The following ITGA2 variants were observed in gnomAD, a reference collection of about 807,000 sequenced individuals.
ITGA2 encodes integrin alpha-2.
In ITGA2, 101 loss-of-function variants were observed where a neutral mutation model predicts 146.3. The observed-to-expected ratio is 0.69, with a 90% CI of 0.59 to 0.81. ITGA2 has a LOEUF of 0.81. Ranked by LOEUF, ITGA2 falls within the 40% of genes least tolerant of loss-of-function variation. The probability of loss-of-function intolerance (pLI) is 0.00; values close to 1 mark genes in which losing one functional copy is unlikely to be tolerated. For synonymous variants in ITGA2, 477 were observed against 487.1 expected (o/e 0.98, Z 0.27); for missense variants, 1,281 against 1,402.7 (o/e 0.91, Z 1.39).
chr5:53,048,031 C>A (rs1744174055), intron 4 of ITGA2, among the ~76,000 whole-genome samples: 1 of 152,132 alleles, frequency 6.6e-6, no homozygotes, highest in African/African-American at 2.4e-5. Flanking sequence ...AGTGAACCTG[C>A]ATGCATTCTC....
intron 4 of ITGA2, among the ~76,000 whole-genome samples, chr5:53,046,458 C>G (rs944975831): frequency 6.6e-6 from 1 of 151,712 alleles, no homozygotes; most frequent in Non-Finnish European, 1.5e-5. Context: ...TGCAATGGAT[C>G]TTTATGGTTT....
At chr5:52,989,856 A>G (rs1203278249) in intron 1 of ITGA2, among the ~76,000 whole-genome samples, 1 of 150,556 alleles carries the variant, frequency 6.6e-6, no homozygotes, top group Admixed American at 6.6e-5. Context: ...GCACGCACTC[A>G]AGCATGGACA....
chr5:53,023,320 C>T (rs182805241), intron 1 of ITGA2, among the ~76,000 whole-genome samples: 19 of 152,284 alleles, frequency 1.2e-4, no homozygotes, highest in Admixed American at 1.0e-3. Flanking sequence ...ATGATGTTCC[C>T]GGTGCCTGGG....
chr5:53,090,654 T>C lies in ITGA2; in HGVS notation c.*55T>C. 1 of 1,350,186 alleles carries C rather than the reference T, an allele frequency of 7.4e-7. No homozygotes were observed. The highest frequency in any genetic ancestry group is 1.2e-5 in the South Asian group (1 of 85,742). 83.6% of individuals were successfully genotyped at this position (1,350,186 alleles called of 1,614,324 possible). ...GCAGCATCCCAGCCAGGGTTTGCTG[T>C]TTGCGTGAATGGATTTCTTTTTAAA... is the stretch of plus-strand genomic sequence containing the variant. On this transcript the variant is annotated 3_prime_UTR_variant, in exon 30 of 30. Transcript: ENST00000296585.
intron 2 of ITGA2, among the ~76,000 whole-genome samples, chr5:53,029,971 C>A (rs745356700): frequency 3.9e-5 from 6 of 152,168 alleles, no homozygotes; most frequent in Non-Finnish European, 7.3e-5. Context: ...TGAAGCAATT[C>A]TTTTAAGTAA....
chr5:53,070,347 A>G (rs1181710310), intron 17 of ITGA2, 87 bp downstream of exon 17: 1 of 1,316,442 alleles, frequency 7.6e-7, no homozygotes, highest in Non-Finnish European at 1.1e-6. Flanking sequence ...CTTATGAGTT[A>G]GAAAATGCTC....
rs566407612 is a variant in ITGA2, at chr5:53,004,787, GTTTTGT to G, written c.64+15258_64+15263del. On this transcript the variant is annotated intron_variant, in intron 1 of 29. Coordinates refer to ENST00000296585, the MANE Select transcript of ITGA2 (RefSeq NM_002203.4). ...TTGTGCTTTTGGTTTTTGCTCTAAT[GTTTTGT>G]TTAAGGACTAGAGCCATAAACCAAA... Among the ~76,000 whole-genome samples, 159 of 148,350 alleles carry G rather than the reference GTTTTGT, an allele frequency of 1.1e-3. 1 individual carries two copies. Among genetic ancestry groups the G allele is most frequent in the African/African-American group, 3.8e-3 (151 of 39,808 alleles).
chr5:53,075,126 C>T lies in ITGA2; in HGVS notation c.2730C>T (p.Phe910=), dbSNP rs372372566. Residue 910 remains phenylalanine (F), a synonymous_variant, in exon 22 of 30, where the codon TTC becomes TTT. Transcript: ENST00000296585. ...QNLQNQASLS[F]QALSESQEEN... is the part of the protein sequence containing the mutation. ...TTCAGAATCAGGCGTCTCTCAGTTT[C>T]CAAGCCTTAAGGTAAAACATAATGA... 37 of 1,611,682 alleles carry T rather than the reference C, an allele frequency of 2.3e-5. No homozygotes were observed. The highest frequency in any genetic ancestry group is 2.8e-5 in the Non-Finnish European group (33 of 1,178,532).
chr5:53,028,172 A>G (rs530561733), intron 2 of ITGA2, among the ~76,000 whole-genome samples: 9 of 152,232 alleles, frequency 5.9e-5, no homozygotes, highest in Admixed American at 3.9e-4. Flanking sequence ...TTGAATTCAA[A>G]GAAAGGTTCA....
At chr5:53,052,330 G>A (rs1744411711) in intron 7 of ITGA2, among the ~76,000 whole-genome samples, 1 of 151,936 alleles carries the variant, frequency 6.6e-6, no homozygotes, top group Admixed American at 6.6e-5. Flanking sequence ...TCCCACTTAT[G>A]AGTGAGAACA....
intron 1 of ITGA2, among the ~76,000 whole-genome samples, chr5:53,006,376 T>C (rs2111722005): frequency 6.6e-6 from 1 of 152,304 alleles, no homozygotes; most frequent in Middle Eastern, 3.4e-3. Flanking sequence ...TTCTGTCAAA[T>C]TCTAAATAGA....
chr5:53,025,552 A>G (rs1047777386), intron 1 of ITGA2, among the ~76,000 whole-genome samples: 1 of 152,188 alleles, frequency 6.6e-6, no homozygotes, highest in African/African-American at 2.4e-5. Context: ...CATTGACTTC[A>G]TTATCATTTT....
At chr5:52,995,250 T>C (rs983942409) in intron 1 of ITGA2, among the ~76,000 whole-genome samples, 2 of 152,114 alleles carry the variant, frequency 1.3e-5, no homozygotes, top group African/African-American at 4.8e-5. Flanking sequence ...AGAAAGGTCT[T>C]GAAGGGCCTT....
intron 27 of ITGA2, among the ~76,000 whole-genome samples, chr5:53,086,732 A>C (rs1746173982): frequency 6.6e-6 from 1 of 152,306 alleles, no homozygotes; most frequent in Middle Eastern, 3.4e-3. Flanking sequence ...TGTGGTGGCA[A>C]GGTGCAGACA....
At chr5:52,998,109 T>C (rs1424961598) in intron 1 of ITGA2, among the ~76,000 whole-genome samples, 1 of 152,140 alleles carries the variant, frequency 6.6e-6, no homozygotes, top group Non-Finnish European at 1.5e-5. Flanking sequence ...GCCTTTAATA[T>C]ATTAGTGTCA....
rs367815715 is a variant in ITGA2, at chr5:53,048,485, A to G, written c.502+8A>G. 53 of 1,613,262 alleles carry G rather than the reference A, an allele frequency of 3.3e-5. No individual in the cohort carries two copies. The highest frequency in any genetic ancestry group is 5.5e-5 in the South Asian group (5 of 91,080). ...TCTCACCTGCAACTCAGCGTAAGTT[A>G]TTAATGTGCAGATGGTCTGAGCAAT... On this transcript the variant is annotated splice_region_variant and intron_variant, in intron 5 of 29. Coordinates refer to ENST00000296585, the MANE Select transcript of ITGA2 (RefSeq NM_002203.4).
At chr5:53,087,357 C>T (rs887923199) in intron 28 of ITGA2, among the ~76,000 whole-genome samples, 1 of 152,150 alleles carries the variant, frequency 6.6e-6, no homozygotes, top group Non-Finnish European at 1.5e-5. Context: ...CTTCTCATGA[C>T]TAAGCCAGCA....
At chr5:53,066,502 A>T (rs1487041432) in intron 15 of ITGA2, among the ~76,000 whole-genome samples, 2 of 151,936 alleles carry the variant, frequency 1.3e-5, no homozygotes, top group Non-Finnish European at 2.9e-5. Context: ...ATTCAAGGTC[A>T]AAAATAAGTA....
chr5:53,022,631 A>G (rs565567200), intron 1 of ITGA2, among the ~76,000 whole-genome samples: 3 of 152,302 alleles, frequency 2.0e-5, no homozygotes, highest in South Asian at 4.1e-4. Flanking sequence ...CAGTGGTGCC[A>G]TCATGGCTCA....
Sources: gnomAD v4.1 joint callset for allele counts (sites outside exome capture counted in the v4.1 genomes callset) on GRCh38, gnomAD v4.1.1 for gene constraint, MANE v1.5 for transcripts, NCBI Gene and HGNC (gene_info 2026-07-23, HGNC 2026-07-21) for gene names.